TLN2: variants seen among roughly 807,000 people sequenced by gnomAD.
TLN2 encodes talin-2.
TLN2 carries 118 observed loss-of-function variants against 294.7 expected under a neutral mutation model. The observed-to-expected ratio is 0.40, with a 90% CI of 0.34 to 0.47. The LOEUF is 0.47. Ranked by LOEUF, TLN2 falls within the 20% of genes least tolerant of loss-of-function variation. The pLI, the probability that TLN2 is intolerant of heterozygous loss-of-function variation, is 0.84. For synonymous variants in TLN2, 1,431 were observed against 1,304.5 expected, an observed-to-expected ratio of 1.10 and a Z score of -2.09; for missense variants, 3,083 against 3,282.2, an observed-to-expected ratio of 0.94 and a Z score of 1.48.
In TLN2 at chr15:62,588,689, TA is replaced by T. The variant is rs1567150778; in HGVS notation, c.-237-997del. 4.1e-4 allele frequency among the ~76,000 whole-genome samples: 55 copies of T among 135,790 alleles called. 1 individual carries two copies. The highest frequency in any genetic ancestry group is 1.5e-3 in the African/African-American group (52 of 35,596). 89.1% of individuals were successfully genotyped at this position (135,790 alleles called of 152,430 possible). On this transcript the variant is annotated intron_variant, in intron 1 of 58. Coordinates refer to ENST00000636159, the MANE Select transcript of TLN2 (RefSeq NM_015059.3). The stretch of plus-strand genomic sequence containing the variant: ...TCATATATATATATATATATATATA[TA>T]TATATATATATATATATGAAATATA...
At chr15:62,797,037 TC>T (rs1203927628) in intron 47 of TLN2, among the ~76,000 whole-genome samples, 181 bp from the exon 48 acceptor site, 7 of 152,222 alleles carry the variant, frequency 4.6e-5, no homozygotes, top group East Asian at 1.9e-4. Context: ...TTTCTTCTTC[TC>T]CCCCCAGTTT....
chr15:62,439,950 C>T (rs980053897), intron 1 of TLN2, among the ~76,000 whole-genome samples: 1 of 152,108 alleles, frequency 6.6e-6, no homozygotes, highest in African/African-American at 2.4e-5. Flanking sequence ...ACTCCCTGTG[C>T]TGAAACAGGG....
rs1736939825 is a variant in TLN2, at chr15:62,841,321, G to C, written c.*711G>C. ...AGGCCGTCGGGGCTTGGTGAGCAGG[G>C]GCTGTAATACAGTCTGTGGGCTCCT... On this transcript the variant is annotated 3_prime_UTR_variant, in exon 59 of 59. Coordinates refer to ENST00000636159, the MANE Select transcript of TLN2 (RefSeq NM_015059.3). 1 of 152,570 alleles carries C rather than the reference G, an allele frequency of 6.6e-6. No individual in the cohort carries two copies. Among genetic ancestry groups the C allele is most frequent in the African/African-American group, 2.4e-5 (1 of 41,436 alleles). The allele number at this position is 152,570 out of a possible 1,614,324, so 9.5% of individuals were successfully genotyped here.
intron 3 of TLN2, among the ~76,000 whole-genome samples, chr15:62,631,452 TTCTC>T (rs1305094376): frequency 1.4e-5 from 2 of 141,984 alleles, no homozygotes; most frequent in Admixed American, 7.0e-5. Flanking sequence ...CTTCCTTCCT[TTCTC>T]TTTCTTTCTC....
At position 62,839,274 on chromosome 15, in the gene TLN2, G is replaced by A. The variant is rs532783139; in HGVS notation, c.7500+293G>A. Among the ~76,000 whole-genome samples, 9 of 152,286 alleles carry A rather than the reference G, an allele frequency of 5.9e-5. No individual in the cohort carries two copies. The South Asian group carries it at 8.3e-4, about 14-fold the overall frequency. ...CATGACCGTAAGCTGCAGGCATTAC[G>A]TCCTCTCACATACCATTGGTCAGCA... On this transcript the variant is annotated intron_variant, in intron 58 of 58. Transcript: ENST00000636159.
chr15:62,529,581 AC>A (rs1347587882), intron 1 of TLN2, among the ~76,000 whole-genome samples: 1 of 147,176 alleles, frequency 6.8e-6, no homozygotes, highest in Non-Finnish European at 1.5e-5. Context: ...AAAAAAAAGG[AC>A]AGTACATCCA....
intron 54 of TLN2, among the ~76,000 whole-genome samples, chr15:62,827,482 C>A (rs2068326446): frequency 1.3e-5 from 2 of 152,146 alleles, no homozygotes; most frequent in African/African-American, 2.4e-5. Flanking sequence ...AACTGAGTAA[C>A]TGATACCTGG....
At chr15:62,820,956 G>A (rs2067512708) in intron 54 of TLN2, among the ~76,000 whole-genome samples, 1 of 152,116 alleles carries the variant, frequency 6.6e-6, no homozygotes. Flanking sequence ...CAATTTTCTG[G>A]TTTCTCTTTT....
chr15:62,687,683 C>T (rs2057398836), intron 12 of TLN2: 1 of 152,106 alleles, frequency 6.6e-6, no homozygotes, highest in Non-Finnish European at 1.5e-5. Flanking sequence ...CACCTCTTAT[C>T]TATGCAAGAT....
At chr15:62,794,199 G>A (rs1390209507) in intron 46 of TLN2, among the ~76,000 whole-genome samples, 1 of 152,214 alleles carries the variant, frequency 6.6e-6, no homozygotes, top group Non-Finnish European at 1.5e-5. Context: ...ACCTGTCCCG[G>A]CTTTGGGTCC....
At chr15:62,797,445 T>G (rs767301128) in intron 48 of TLN2, 43 bp downstream of exon 48, 30 of 1,537,390 alleles carry the variant, frequency 2.0e-5, no homozygotes, top group Non-Finnish European at 2.5e-5. Flanking sequence ...GGTCTTCCCG[T>G]GAACGCTGCA....
intron 1 of TLN2, among the ~76,000 whole-genome samples, chr15:62,432,796 G>C (rs1442529445): frequency 6.6e-6 from 1 of 152,022 alleles, no homozygotes; most frequent in African/African-American, 2.4e-5. Flanking sequence ...TTTGGTTTAT[G>C]CCCTAGAATG....
In TLN2 at chr15:62,711,997, G is replaced by A. The variant is rs530796552; in HGVS notation, c.2554G>A (p.Asp852Asn). 11 of 1,614,162 alleles carry A rather than the reference G, an allele frequency of 6.8e-6. No homozygotes were observed. Among genetic ancestry groups the A allele is most frequent in the Admixed American group, 6.7e-5 (4 of 60,032 alleles). The change falls in exon 22 of 59, where the codon GAC (aspartate) becomes AAC (asparagine). Residue 852 changes from aspartate (D) to asparagine (N), a missense_variant. Transcript: ENST00000636159. ...AMRSDAEAEIDMENSKKLLAA... is the reference protein window; with the variant it reads ...AMRSDAEAEINMENSKKLLAA... ...GAGGTCAGATGCAGAAGCCGAAATC[G>A]ACATGGAGAATTCAAAGAAGCTCCT...
Position 62,789,106 on chromosome 15 carries a change from G to A in TLN2, c.5737-3535G>A, listed in dbSNP as rs2064900496. Among the ~76,000 whole-genome samples the A allele has an allele frequency of 2.0e-5, 3 of 152,310 alleles. No homozygotes were observed. The South Asian group carries it at 6.2e-4, about 32-fold the overall frequency. ...CAGCCCTCCTGGCCCATGAACATCAGTGGATGAAGCCTGTTTCAGCTTGTC... is the reference window on the plus strand; with the variant it reads ...CAGCCCTCCTGGCCCATGAACATCAATGGATGAAGCCTGTTTCAGCTTGTC... On this transcript the variant is annotated intron_variant, in intron 45 of 58. Transcript: ENST00000636159.
chr15:62,532,046 CTCTTTTCTTTTTTTTTTTT>C (rs2041069541), intron 1 of TLN2, among the ~76,000 whole-genome samples: 2 of 131,640 alleles, frequency 1.5e-5, no homozygotes, highest in Non-Finnish European at 3.1e-5. Flanking sequence ...TTTTCTTTTT[CTCTTTTCTTTTTTTTTTTT>C]GTGAGACAGG....
chr15:62,582,246 A>ACACACCCCCCCC (rs764248336), intron 1 of TLN2, among the ~76,000 whole-genome samples: 4 of 137,240 alleles, frequency 2.9e-5, no homozygotes, highest in African/African-American at 1.1e-4. Flanking sequence ...ACACACACAC[A>ACACACCCCCCCC]CATTCATGCC....
At chr15:62,709,466 A>G (rs1317809774) in intron 21 of TLN2, among the ~76,000 whole-genome samples, 1 of 152,186 alleles carries the variant, frequency 6.6e-6, no homozygotes, top group Non-Finnish European at 1.5e-5. Flanking sequence ...GTTAGTTTGC[A>G]TATCAAAGAC....
chr15:62,772,749 G>A (rs997741081), intron 42 of TLN2, among the ~76,000 whole-genome samples: 10 of 151,492 alleles, frequency 6.6e-5, no homozygotes, highest in African/African-American at 2.4e-4. Context: ...TGCAACCTCC[G>A]CGTCCCGGGT....
At chr15:62,655,518 A>G (rs1427988344) in intron 7 of TLN2, among the ~76,000 whole-genome samples, 2 of 152,176 alleles carry the variant, frequency 1.3e-5, no homozygotes, top group Admixed American at 6.5e-5. Flanking sequence ...TCACTTTATT[A>G]GGTGAGACTG....
Sources: gnomAD v4.1 joint callset for allele counts (sites outside exome capture counted in the v4.1 genomes callset) on GRCh38, gnomAD v4.1.1 for gene constraint, MANE v1.5 for transcripts, NCBI Gene and HGNC (gene_info 2026-07-23, HGNC 2026-07-21) for gene names.